Variants in GPC2 observed in about 807,000 individuals in gnomAD.
GPC2 encodes the protein glypican-2.
Under a neutral mutation model 57.3 loss-of-function variants are expected in GPC2, and 42 were observed. That is an observed-to-expected ratio of 0.73 (90% CI 0.57 to 0.95). GPC2 has a LOEUF of 0.95. Ranked by LOEUF, GPC2 falls within the 40% of genes least tolerant of loss-of-function variation. The pLI, the probability that GPC2 is intolerant of heterozygous loss-of-function variation, is 0.00. For missense variants in GPC2, 745 were observed against 793.6 expected (o/e 0.94, Z 0.74); for synonymous variants, 364 against 343.4 (o/e 1.06, Z -0.66).
In GPC2 at chr7:100,171,422, A is replaced by G. The variant is rs1402968346; in HGVS notation, c.1325T>C (p.Val442Ala). The G allele has an allele frequency of 6.8e-7, 1 of 1,461,702 alleles. No individual in the cohort carries two copies. Among genetic ancestry groups the G allele is most frequent in the Admixed American group, 2.5e-5 (1 of 39,776 alleles). 90.5% of individuals were successfully genotyped at this position (1,461,702 alleles called of 1,614,324 possible). ...GAGRGRYLPPVVGGSPAEQVN... is the reference protein window; with the variant it reads ...GAGRGRYLPPAVGGSPAEQVN... The stretch of plus-strand genomic sequence containing the variant: ...CTGCTCGGCCGGGGAGCCCCCGACC[A>G]CTGGCGGCAAGTACCTGCGAGCAGA... Residue 442 changes from valine (V) to alanine (A), a missense_variant, in exon 9 of 10, where the codon GTG (valine) becomes GCG (alanine). Physicochemically the swap from Val to Ala is moderately conservative, Grantham distance 64. Around this residue, in one of 2 missense-constraint regions of GPC2, gnomAD observed 607 missense variants for 603.9 expected, o/e 1.01. Transcript: ENST00000292377. The surrounding 1 kb of genome is among the most constrained non-coding windows in gnomAD (Gnocchi z 4.8).
chr7:100,171,006 G>T lies in GPC2; in HGVS notation c.1486+255C>A. Reference sequence around the variant, plus strand: ...CTCCCCCATTTTCCCACTGCCCTTTGCCCATTATAAGGGGCTTCCCACTGT... The same window carrying T: ...CTCCCCCATTTTCCCACTGCCCTTTTCCCATTATAAGGGGCTTCCCACTGT... On this transcript the variant is annotated intron_variant, in intron 9 of 9. Coordinates refer to ENST00000292377, the MANE Select transcript of GPC2 (RefSeq NM_152742.3). This position sits in a 1 kb window ranked among gnomAD's most constrained non-coding sequence, Gnocchi z 4.8. The T allele has an allele frequency of 1.8e-5, 7 of 384,502 alleles. No homozygotes were observed. The highest frequency in any genetic ancestry group is 6.5e-5 in the South Asian group (1 of 15,406). 23.8% of individuals were successfully genotyped at this position (384,502 alleles called of 1,614,324 possible). A position where few individuals can be genotyped will look rare whatever the true frequency, so the allele number is the denominator to read the frequency against.
chr7:100,172,767 ATATATATGTGTGTGTATATATATACG>A (rs1439128100), intron 5 of GPC2, among the ~76,000 whole-genome samples: 2 of 142,892 alleles, frequency 1.4e-5, no homozygotes, highest in African/African-American at 5.0e-5. Flanking sequence ...ATGTGTGTAT[ATATATATGTGTGTGTATATATATACG>A]TATATATATG....
rs1283619157 is a variant in GPC2 at position 100,175,712 on chromosome 7, G to A, written c.508C>T (p.Leu170Phe). 2 of 1,614,172 alleles carry A rather than the reference G, an allele frequency of 1.2e-6. No homozygotes were observed. The highest frequency in any genetic ancestry group is 1.7e-6 in the Non-Finnish European group (2 of 1,180,024). ...DDTLADFWAQ[L>F]LERVFPLLHP... ...AGCAGCGGGAACACTCTCTCCAGGA[G>A]CTGTGCCCAGAAATCCGCCAGGGTG... Residue 170 changes from leucine to phenylalanine, a missense_variant, in exon 3 of 10, where the codon CTC becomes TTC. Transcript: ENST00000292377.
Position 100,174,670 on chromosome 7 carries a change from C to A in GPC2, c.729+15G>T, listed in dbSNP as rs1280187007. 3.1e-6 allele frequency: 5 copies of A among 1,598,240 alleles called. No homozygotes were observed. The highest frequency in any genetic ancestry group is 2.6e-6 in the Non-Finnish European group (3 of 1,165,826). On this transcript the variant is annotated intron_variant, in intron 4 of 9. Coordinates refer to ENST00000292377, the MANE Select transcript of GPC2 (RefSeq NM_152742.3). ...TCCCTCCCTGGGCCCTGCCCATACT[C>A]AGGCACCCTCCAACCTTAAGCGCTT...
Position 100,177,297 on chromosome 7 carries a change from G to A in GPC2, c.-98C>T, listed in dbSNP as rs1046914108. Reference sequence around the variant, plus strand: ...GTACTCGGCCGCGGGACCGCTCCGCGGGCCAGAGAAAGAGCGCTGCTCCGG... The same window carrying A: ...GTACTCGGCCGCGGGACCGCTCCGCAGGCCAGAGAAAGAGCGCTGCTCCGG... On this transcript the variant is annotated 5_prime_UTR_variant, in exon 1 of 10. Transcript: ENST00000292377. 8.3e-6 allele frequency: 9 copies of A among 1,087,686 alleles called. No individual in the cohort carries two copies. The highest frequency in any genetic ancestry group is 1.2e-5 in the Non-Finnish European group (9 of 778,094). 67.4% of individuals were successfully genotyped at this position (1,087,686 alleles called of 1,614,324 possible).
chr7:100,173,936 C>A lies in GPC2; in HGVS notation c.791G>T (p.Arg264Leu). 6.2e-7 allele frequency: 1 copy of A among 1,602,442 alleles called. No homozygotes were observed. The highest frequency in any genetic ancestry group is 8.5e-7 in the Non-Finnish European group (1 of 1,174,700). The change falls in exon 5 of 10, where the codon CGG (arginine) becomes CTG (leucine). Residue 264 changes from arginine to leucine, a missense_variant. Coordinates refer to ENST00000292377, the MANE Select transcript of GPC2 (RefSeq NM_152742.3). ...GCAGGGCATAAGTGAGGGGACCCCC[C>A]GGCACAGGGGACAGCCGATGAGACG... ...LMRLIGCPLC[R>L]GVPSLMPCQG...
Position 100,172,322 on chromosome 7 carries a change from G to A in GPC2, c.893-105C>T. On this transcript the variant is annotated intron_variant, in intron 5 of 9. Coordinates refer to ENST00000292377, the MANE Select transcript of GPC2 (RefSeq NM_152742.3). ...GCCTTAGAGAAGCAGCAAAGTGTTT[G>A]GGGGAAACTCACATGAGCTCCCTCT... 2.3e-6 allele frequency: 3 copies of A among 1,280,368 alleles called. No individual in the cohort carries two copies. The South Asian group carries it at 4.1e-5, about 18-fold the overall frequency. The allele number at this position is 1,280,368 out of a possible 1,614,324, so 79.3% of individuals were successfully genotyped here.
chr7:100,171,190 G>C lies in GPC2; in HGVS notation c.1486+71C>G, dbSNP rs952056249. 1.5e-6 allele frequency: 2 copies of C among 1,321,114 alleles called. No homozygotes were observed. Among genetic ancestry groups the C allele is most frequent in the Admixed American group, 6.0e-5 (2 of 33,176 alleles). The allele number at this position is 1,321,114 out of a possible 1,614,324, so 81.8% of individuals were successfully genotyped here. A position where few individuals can be genotyped will look rare whatever the true frequency, so the allele number is the denominator to read the frequency against. On this transcript the variant is annotated intron_variant, in intron 9 of 9. Transcript: ENST00000292377. The surrounding 1 kb of genome is among the most constrained non-coding windows in gnomAD (Gnocchi z 4.8). Reference sequence around the variant, plus strand: ...ACGCTAAGAGCAGAGGCACGGGCGGGAACTACCAGGAGAGGGGAGAGGCTT... The same window carrying C: ...ACGCTAAGAGCAGAGGCACGGGCGGCAACTACCAGGAGAGGGGAGAGGCTT...
chr7:100,171,938 G>A lies in GPC2; in HGVS notation c.1024-13C>T, dbSNP rs1355941482. 3 of 1,517,180 alleles carry A rather than the reference G, an allele frequency of 2.0e-6. No individual in the cohort carries two copies. Among genetic ancestry groups the A allele is most frequent in the Non-Finnish European group, 2.6e-6 (3 of 1,136,036 alleles). The allele number at this position is 1,517,180 out of a possible 1,614,324, so 94.0% of individuals were successfully genotyped here. A position where few individuals can be genotyped will look rare whatever the true frequency, so the allele number is the denominator to read the frequency against. On this transcript the variant is annotated splice_polypyrimidine_tract_variant and intron_variant, in intron 6 of 9. Coordinates refer to ENST00000292377, the MANE Select transcript of GPC2 (RefSeq NM_152742.3). This position sits in a 1 kb window ranked among gnomAD's most constrained non-coding sequence, Gnocchi z 4.8. ...ACTCCTGAAACACCTGCGGCACCGGGAAGAGACCTCACACAGTCACCCTGG... is the reference window on the plus strand; with the variant it reads ...ACTCCTGAAACACCTGCGGCACCGGAAAGAGACCTCACACAGTCACCCTGG...
intron 4 of GPC2, chr7:100,174,314 T>G: frequency 3.9e-6 from 2 of 509,214 alleles, no homozygotes; most frequent in South Asian, 2.2e-5. Flanking sequence ...AGGTAGAGGA[T>G]GGGCAGTGAG....
rs1002597686 is a variant in GPC2, at chr7:100,177,316, G to A, written c.-117C>T. ...CTCCGCGGGCCAGAGAAAGAGCGCT[G>A]CTCCGGAAAACTGAATACCGAGCAC... On this transcript the variant is annotated 5_prime_UTR_variant, in exon 1 of 10. Coordinates refer to ENST00000292377, the MANE Select transcript of GPC2 (RefSeq NM_152742.3). The A allele has an allele frequency of 1.1e-6, 1 of 887,530 alleles. No individual in the cohort carries two copies. Among genetic ancestry groups the A allele is most frequent in the African/African-American group, 1.7e-5 (1 of 58,418 alleles). 55.0% of individuals were successfully genotyped at this position (887,530 alleles called of 1,614,324 possible). A position where few individuals can be genotyped will look rare whatever the true frequency, so the allele number is the denominator to read the frequency against.
chr7:100,176,089 G>T, intron 2 of GPC2, 118 bp downstream of exon 2: 3 of 967,478 alleles, frequency 3.1e-6, no homozygotes, highest in Non-Finnish European at 4.6e-6. Flanking sequence ...GGGGGTGGGC[G>T]GGCTGGGAGG....
rs1482904170 is a variant in GPC2, at chr7:100,177,350, G to A, written c.-151C>T. On this transcript the variant is annotated 5_prime_UTR_variant, in exon 1 of 10. Coordinates refer to ENST00000292377, the MANE Select transcript of GPC2 (RefSeq NM_152742.3). ...AACTGAATACCGAGCACGATAGCTGGACCAGGCGGCATCTGCCGAGACAAT... is the reference window on the plus strand; with the variant it reads ...AACTGAATACCGAGCACGATAGCTGAACCAGGCGGCATCTGCCGAGACAAT... The A allele has an allele frequency of 4.8e-6, 3 of 628,300 alleles. No homozygotes were observed. Among genetic ancestry groups the A allele is most frequent in the African/African-American group, 3.8e-5 (2 of 52,486 alleles). 38.9% of individuals were successfully genotyped at this position (628,300 alleles called of 1,614,324 possible). A position where few individuals can be genotyped will look rare whatever the true frequency, so the allele number is the denominator to read the frequency against.
In GPC2 at chr7:100,173,311, AGG is replaced by A. The variant is rs766496407; in HGVS notation, c.892+522_892+523del. ...TAGACAGGGTCTTACTCTCTCGCCC[AGG>A]TTGGAGTATAGTGGCATCATCATAG... is the stretch of plus-strand genomic sequence containing the variant. On this transcript the variant is annotated intron_variant, in intron 5 of 9. Transcript: ENST00000292377. The A allele has an allele frequency of 3.3e-5, 5 of 152,264 alleles. No individual in the cohort carries two copies. In the East Asian group the frequency reaches 9.7e-4, roughly 29 times the overall value. 9.4% of individuals were successfully genotyped at this position (152,264 alleles called of 1,614,324 possible). A position where few individuals can be genotyped will look rare whatever the true frequency, so the allele number is the denominator to read the frequency against.
chr7:100,174,891 G>C (rs1295917368), intron 3 of GPC2, 126 bp from the exon 4 acceptor site: 4 of 661,996 alleles, frequency 6.0e-6, no homozygotes, highest in Non-Finnish European at 1.1e-5. Flanking sequence ...AGTGGGTCGA[G>C]TGTTGGGTGG....
Position 100,175,748 on chromosome 7 carries a change from C to T in GPC2, c.472G>A (p.Gly158Arg), listed in dbSNP as rs1029886045. The T allele has an allele frequency of 3.1e-6, 5 of 1,613,988 alleles. No individual in the cohort carries two copies. The African/African-American group carries it at 6.7e-5, about 22-fold the overall frequency. Residue 158 changes from glycine to arginine, a missense_variant, in exon 3 of 10, where the codon GGG (glycine) becomes AGG (arginine). By Grantham distance (125) the Gly-to-Arg change is moderately radical. This residue lies in a region of GPC2 where 607 missense variants were observed against 603.9 expected (regional missense o/e 1.01). Coordinates refer to ENST00000292377, the MANE Select transcript of GPC2 (RefSeq NM_152742.3). ...LRDFYGESGE[G>R]LDDTLADFWA... ...AAATCCGCCAGGGTGTCATCCAACC[C>T]CTCACCAGATTCCCCATAGAAGTCT...
rs1464261844 is a variant in GPC2 at position 100,173,932 on chromosome 7, C to T, written c.795G>A (p.Gly265=). ...CCTGGCAGGGCATAAGTGAGGGGAC[C>T]CCCCGGCACAGGGGACAGCCGATGA... The part of the protein sequence containing the change: ...MRLIGCPLCR[G]VPSLMPCQGF... The change falls in exon 5 of 10, where the codon GGG becomes GGA. Residue 265 remains glycine (G), a synonymous_variant. Transcript: ENST00000292377. The T allele has an allele frequency of 1.2e-6, 2 of 1,603,388 alleles. No homozygotes were observed. Among genetic ancestry groups the T allele is most frequent in the African/African-American group, 1.3e-5 (1 of 74,148 alleles).
Position 100,175,585 on chromosome 7 carries a change from C to T in GPC2, c.635G>A (p.Arg212His), listed in dbSNP as rs749760530. The change falls in exon 3 of 10, where the codon CGC (arginine) becomes CAC (histidine). Residue 212 changes from arginine to histidine, a missense_variant. Physicochemically the swap from Arg to His is conservative, Grantham distance 29 (BLOSUM62 0). Around this residue, in one of 2 missense-constraint regions of GPC2, gnomAD observed 607 missense variants for 603.9 expected, o/e 1.01. Transcript: ENST00000292377. ...AGGATCCCTCACCTGCAGGCGGAGG[C>T]GGCGGGGTGAGTCCCCAAAGGGCTG... ...SLQPFGDSPR[R>H]LRLQITRTLV... The T allele has an allele frequency of 1.6e-5, 26 of 1,608,604 alleles. No homozygotes were observed. The highest frequency in any genetic ancestry group is 3.3e-5 in the South Asian group (3 of 90,496).
intron 5 of GPC2, among the ~76,000 whole-genome samples, chr7:100,172,671 A>G (rs867092305): frequency 4.5e-4 from 65 of 142,864 alleles, no homozygotes; most frequent in African/African-American, 8.5e-4. Flanking sequence ...ATATATATAT[A>G]TGTGTGTGTG....
Sources: gnomAD v4.1 joint callset for allele counts (sites outside exome capture counted in the v4.1 genomes callset) on GRCh38, gnomAD v4.1.1 for gene constraint, gnomAD v4.1.1 regional missense constraint, Gnocchi (gnomAD v3.1) non-coding constraint, MANE v1.5 for transcripts, NCBI Gene and HGNC (gene_info 2026-07-23, HGNC 2026-07-21) for gene names.